NHEJ1: variants seen among roughly 807,000 people sequenced by gnomAD.
NHEJ1 encodes the protein non-homologous end joining factor 1, also known as non-homologous end-joining factor 1.
A neutral mutation model predicts 39.4 loss-of-function variants in NHEJ1; 22 were observed. That is an observed-to-expected ratio of 0.56 (90% CI 0.40 to 0.80). The LOEUF (loss-of-function observed/expected upper bound fraction) is 0.80. Ranked by LOEUF, NHEJ1 falls within the 30% of genes least tolerant of loss-of-function variation. The pLI, the probability that NHEJ1 is intolerant of heterozygous loss-of-function variation, is 0.00. For synonymous variants in NHEJ1, 154 were observed against 135.6 expected (o/e 1.14, Z -0.94); for missense variants, 329 against 357.1 (o/e 0.92, Z 0.63).
intron 5 of NHEJ1, among the ~76,000 whole-genome samples, chr2:219,131,069 G>C (rs1482420167): frequency 6.6e-6 from 1 of 152,142 alleles, no homozygotes; most frequent in Non-Finnish European, 1.5e-5. Context: ...TCCAGCTTGG[G>C]CAACAGAGCG....
chr2:219,133,833 T>C (rs536110331), intron 5 of NHEJ1, among the ~76,000 whole-genome samples: 5 of 152,344 alleles, frequency 3.3e-5, no homozygotes, highest in African/African-American at 1.2e-4. Context: ...CATCCCTTCA[T>C]GACATCCACA....
intron 3 of NHEJ1, among the ~76,000 whole-genome samples, chr2:219,152,953 C>T (rs1302353709): frequency 2.6e-5 from 4 of 151,994 alleles, no homozygotes; most frequent in Admixed American, 6.5e-5. Context: ...CAGGCATGCA[C>T]CACCATGCCC....
intron 5 of NHEJ1, among the ~76,000 whole-genome samples, chr2:219,114,476 C>T (rs1949392767): frequency 6.6e-6 from 1 of 152,208 alleles, no homozygotes; most frequent in African/African-American, 2.4e-5. Flanking sequence ...GGCTTCCAGA[C>T]AGAAGGGCAC....
At position 219,071,606 on chromosome 2, in the gene NHEJ1, A is replaced by G. The variant is rs550326740; in HGVS notation, c.*4775T>C. On this transcript the variant is annotated 3_prime_UTR_variant, in exon 8 of 8. Coordinates refer to ENST00000356853, the MANE Select transcript of NHEJ1 (RefSeq NM_024782.3). ...CCTACTCCCCAATTCTAACTCTGCT[A>G]CTGTTTTGGGCCCCAGAGTAAGGGC... Among the ~76,000 whole-genome samples, 8 of 152,302 alleles carry G rather than the reference A, an allele frequency of 5.3e-5. No homozygotes were observed. The highest frequency in any genetic ancestry group is 1.0e-4 in the Non-Finnish European group (7 of 68,012).
intron 1 of NHEJ1, among the ~76,000 whole-genome samples, chr2:219,159,526 CATATATATATGCAT>C (rs1381320439): frequency 1.3e-3 from 55 of 42,098 alleles, no homozygotes; most frequent in African/African-American, 3.8e-3. Flanking sequence ...TATATATATG[CATATATATATGCAT>C]ATATATATAT....
chr2:219,148,127 C>T (rs183925437), intron 3 of NHEJ1, among the ~76,000 whole-genome samples: 1 of 152,278 alleles, frequency 6.6e-6, no homozygotes, highest in Non-Finnish European at 1.5e-5. Context: ...GGCTTGGTGG[C>T]AGAAGCTTGT....
In NHEJ1 at chr2:219,070,240, G is replaced by A. The variant is rs559160252; in HGVS notation, c.*6141C>T. 6.6e-6 allele frequency among the ~76,000 whole-genome samples: 1 copy of A among 152,234 alleles called. No homozygotes were observed. The highest frequency in any genetic ancestry group is 6.5e-5 in the Admixed American group (1 of 15,276). Reference sequence around the variant, plus strand: ...CTTGCTCTGTCGCCCAGGGTGGAGTGCAGTGGCACGATCTCAGCTCACTGC... The same window carrying A: ...CTTGCTCTGTCGCCCAGGGTGGAGTACAGTGGCACGATCTCAGCTCACTGC... On this transcript the variant is annotated 3_prime_UTR_variant, in exon 8 of 8. Coordinates refer to ENST00000356853, the MANE Select transcript of NHEJ1 (RefSeq NM_024782.3).
At chr2:219,146,609 CA>C in intron 5 of NHEJ1, 70 bp downstream of exon 5, 1 of 1,248,724 alleles carries the variant, frequency 8.0e-7, no homozygotes, top group East Asian at 2.3e-5. Flanking sequence ...ACCCAAAACA[CA>C]AATGGCCACT....
intron 5 of NHEJ1, among the ~76,000 whole-genome samples, chr2:219,097,444 C>T (rs1949218916): frequency 6.6e-6 from 1 of 152,196 alleles, no homozygotes; most frequent in Non-Finnish European, 1.5e-5. Context: ...AAGAGTCAAA[C>T]ATGACTCCAA....
chr2:219,076,331 C>T lies in NHEJ1; in HGVS notation c.*50G>A, dbSNP rs1949013327. 5.0e-6 allele frequency: 8 copies of T among 1,614,040 alleles called. No individual in the cohort carries two copies. The highest frequency in any genetic ancestry group is 6.8e-6 in the Non-Finnish European group (8 of 1,179,998). On this transcript the variant is annotated 3_prime_UTR_variant, in exon 8 of 8. Transcript: ENST00000356853. ...CATGTAAGCTTCTTTCAAGGTGAAG[C>T]TTGGAAGCTGTTCTCCAAGTCCATC...
intron 5 of NHEJ1, among the ~76,000 whole-genome samples, chr2:219,113,492 T>C (rs1482570681): frequency 6.6e-6 from 1 of 152,224 alleles, no homozygotes; most frequent in Non-Finnish European, 1.5e-5. Flanking sequence ...CAAGAACTTA[T>C]CTTAAAATGT....
intron 5 of NHEJ1, among the ~76,000 whole-genome samples, chr2:219,125,200 G>T (rs547099835): frequency 6.6e-6 from 1 of 151,618 alleles, no homozygotes; most frequent in East Asian, 1.9e-4. Flanking sequence ...TGCAGAGTAA[G>T]GGGGAGGAAT....
At chr2:219,100,374 A>T (rs1271748304) in intron 5 of NHEJ1, among the ~76,000 whole-genome samples, 1 of 151,472 alleles carries the variant, frequency 6.6e-6, no homozygotes, top group Non-Finnish European at 1.5e-5. Flanking sequence ...AGTCTGAGGC[A>T]GGTGGATTGT....
chr2:219,078,797 C>T (rs1012308915), intron 5 of NHEJ1, among the ~76,000 whole-genome samples: 1 of 152,148 alleles, frequency 6.6e-6, no homozygotes, highest in Non-Finnish European at 1.5e-5. Flanking sequence ...AGTGGGCTGG[C>T]TGAGATTCCC....
intron 5 of NHEJ1, among the ~76,000 whole-genome samples, chr2:219,100,697 GAA>G (rs1949248960): frequency 6.6e-6 from 1 of 151,132 alleles, no homozygotes; most frequent in African/African-American, 2.4e-5. Context: ...AAGAGAATTA[GAA>G]TGCAGATTCC....
chr2:219,072,793 G>T lies in NHEJ1; in HGVS notation c.*3588C>A, dbSNP rs1033959581. 2.6e-5 allele frequency among the ~76,000 whole-genome samples: 4 copies of T among 152,184 alleles called. No individual in the cohort carries two copies. Among genetic ancestry groups the T allele is most frequent in the African/African-American group, 9.7e-5 (4 of 41,424 alleles). ...AGGCTTACTCTATACTCTCTGGAGC[G>T]AATCTGTGTAGTTTTGTAAGTAGGA... is the stretch of plus-strand genomic sequence containing the variant. On this transcript the variant is annotated 3_prime_UTR_variant, in exon 8 of 8. Transcript: ENST00000356853.
At chr2:219,081,348 G>C (rs989074589) in intron 5 of NHEJ1, among the ~76,000 whole-genome samples, 3 of 152,180 alleles carry the variant, frequency 2.0e-5, no homozygotes, top group Non-Finnish European at 2.9e-5. Context: ...GCTGGAGTCA[G>C]GAGTAAGTAA....
In NHEJ1 at chr2:219,076,340, TG is replaced by T; in HGVS notation, c.*40del. 3 of 1,614,130 alleles carry T rather than the reference TG, an allele frequency of 1.9e-6. No homozygotes were observed. The highest frequency in any genetic ancestry group is 2.5e-6 in the Non-Finnish European group (3 of 1,180,030). On this transcript the variant is annotated 3_prime_UTR_variant, in exon 8 of 8. Transcript: ENST00000356853. ...TTCTTTCAAGGTGAAGCTTGGAAGC[TG>T]TTCTCCAAGTCCATCCTCAGCAGCT...
chr2:219,104,800 T>C (rs900972448), intron 5 of NHEJ1, among the ~76,000 whole-genome samples: 3 of 152,122 alleles, frequency 2.0e-5, no homozygotes, highest in Non-Finnish European at 4.4e-5. Flanking sequence ...AACCCAGATG[T>C]GGTGAATATA....
Sources: allele counts gnomAD v4.1 joint callset (sites outside exome capture counted in the v4.1 genomes callset), GRCh38; gene constraint gnomAD v4.1.1; transcripts MANE v1.5; gene names NCBI Gene and HGNC (gene_info 2026-07-23, HGNC 2026-07-21).